The following GPHN variants were observed in gnomAD, a reference collection of about 807,000 sequenced individuals.
The protein encoded by GPHN is gephyrin.
In GPHN, 17 loss-of-function variants were observed where a neutral mutation model predicts 95.5. That is an observed-to-expected ratio of 0.18 (90% CI 0.12 to 0.27). The LOEUF (loss-of-function observed/expected upper bound fraction) is 0.27. Among genes scored for constraint, GPHN ranks in the 10% least tolerant of loss-of-function variants. The probability of loss-of-function intolerance (pLI) is 1.00; values close to 1 mark genes in which losing one functional copy is unlikely to be tolerated. For missense variants in GPHN, 660 were observed against 978.1 expected, an observed-to-expected ratio of 0.67 and a Z score of 4.34; for synonymous variants, 320 against 322.5, an observed-to-expected ratio of 0.99 and a Z score of 0.08.
chr14:66,916,481 T>A (rs1442643101), intron 6 of GPHN, among the ~76,000 whole-genome samples: 1 of 150,922 alleles, frequency 6.6e-6, no homozygotes, highest in Non-Finnish European at 1.5e-5. Context: ...GTCCAGAGTT[T>A]TTTTTTTTTT....
At chr14:66,632,755 T>G (rs2063887965) in intron 1 of GPHN, among the ~76,000 whole-genome samples, 2 of 152,232 alleles carry the variant, frequency 1.3e-5, no homozygotes, top group South Asian at 4.2e-4. Context: ...CCTACCAAAG[T>G]GCTGGAATTA....
chr14:67,095,343 A>G (rs1015054752), intron 12 of GPHN, among the ~76,000 whole-genome samples: 1 of 152,218 alleles, frequency 6.6e-6, no homozygotes, highest in Non-Finnish European at 1.5e-5. Context: ...ACTGTAAACT[A>G]GTTCAACCAC....
intron 5 of GPHN, among the ~76,000 whole-genome samples, chr14:66,881,017 C>T (rs929992455): frequency 7.2e-5 from 11 of 151,776 alleles, no homozygotes; most frequent in African/African-American, 2.4e-4. Flanking sequence ...TTTATGTATC[C>T]TGTGTGTAAT....
intron 1 of GPHN, among the ~76,000 whole-genome samples, chr14:66,546,090 A>G: frequency 6.8e-6 from 1 of 146,028 alleles, no homozygotes; most frequent in African/African-American, 2.6e-5. Context: ...CACATCCCAG[A>G]CGGGGCGGCG....
the GPHN span, chr14:67,241,055 G>T: frequency 3.3e-5 from 5 of 152,256 alleles, no homozygotes; most frequent in African/African-American, 7.2e-5. Context: ...CACAAAGCCC[G>T]CCGGCCAAAT....
chr14:66,671,015 T>C (rs1343836869), intron 1 of GPHN, among the ~76,000 whole-genome samples: 2 of 152,086 alleles, frequency 1.3e-5, no homozygotes, highest in Non-Finnish European at 2.9e-5. Flanking sequence ...GAAATAACAG[T>C]TTAGAGTTTA....
chr14:67,699,519 G>T, the GPHN span, among the ~76,000 whole-genome samples: 1 of 149,218 alleles, frequency 6.7e-6, no homozygotes, highest in African/African-American at 2.5e-5. Flanking sequence ...GAGCCTCACA[G>T]GTTGAGGCTG....
chr14:67,655,595 A>T, the GPHN span, among the ~76,000 whole-genome samples: 1 of 152,084 alleles, frequency 6.6e-6, no homozygotes, highest in Non-Finnish European at 1.5e-5. Context: ...CATAATTTAT[A>T]AATCTATAAA....
the GPHN span, among the ~76,000 whole-genome samples, chr14:67,561,715 A>G: frequency 6.7e-6 from 1 of 150,320 alleles, no homozygotes; most frequent in Non-Finnish European, 1.5e-5. Context: ...AAAAAAATAA[A>G]CGAAATTAAC....
chr14:66,907,432 T>C (rs751088435), intron 5 of GPHN, among the ~76,000 whole-genome samples: 7 of 152,068 alleles, frequency 4.6e-5, no homozygotes, highest in East Asian at 1.9e-4. Context: ...AAGAAAGATA[T>C]AGGTGAATGG....
the GPHN span, chr14:67,647,264 C>T: frequency 3.5e-5 from 15 of 425,052 alleles, no homozygotes; most frequent in East Asian, 5.5e-4. Flanking sequence ...TCTTTATCTC[C>T]ATCTTTAATG....
intron 8 of GPHN, among the ~76,000 whole-genome samples, chr14:66,937,323 A>G (rs560261878): frequency 1.4e-4 from 21 of 151,862 alleles, no homozygotes; most frequent in African/African-American, 5.1e-4. Context: ...GTTTTTATTT[A>G]CCACAAAAAA....
chr14:66,822,341 C>CTGATCT (rs1001640139), intron 3 of GPHN, among the ~76,000 whole-genome samples: 87 of 152,194 alleles, frequency 5.7e-4, no homozygotes, highest in African/African-American at 2.1e-3. Context: ...TCTCCTTAGA[C>CTGATCT]TAGTAGTTTT....
At chr14:67,152,810 C>T (rs1380893599) in intron 18 of GPHN, among the ~76,000 whole-genome samples, 1 of 151,756 alleles carries the variant, frequency 6.6e-6, no homozygotes, top group Admixed American at 6.6e-5. Flanking sequence ...ACTAAAAATA[C>T]AAAAATTGGC....
the GPHN span, among the ~76,000 whole-genome samples, chr14:67,490,552 G>A: frequency 3.3e-4 from 50 of 152,276 alleles, no homozygotes; most frequent in Non-Finnish European, 6.2e-4. Context: ...ATGCACATAG[G>A]ATTCACTTCC....
chr14:66,514,215 G>C (rs1409528559), intron 1 of GPHN, among the ~76,000 whole-genome samples: 1 of 151,934 alleles, frequency 6.6e-6, no homozygotes, highest in Non-Finnish European at 1.5e-5. Context: ...ACAAAGTATA[G>C]AATTCATATG....
At chr14:66,976,105 C>G (rs902890856) in intron 9 of GPHN, among the ~76,000 whole-genome samples, 14 of 152,090 alleles carry the variant, frequency 9.2e-5, no homozygotes, top group Non-Finnish European at 1.8e-4. Flanking sequence ...GCATTCTGTT[C>G]TAGTACATAA....
At chr14:66,557,220 G>GATAT (rs2060036480) in intron 1 of GPHN, among the ~76,000 whole-genome samples, 1 of 144,712 alleles carries the variant, frequency 6.9e-6, no homozygotes, top group South Asian at 2.3e-4. Flanking sequence ...TAGATAGATA[G>GATAT]ATAGATACAT....
chr14:66,797,951 G>A (rs2060216564), intron 3 of GPHN, among the ~76,000 whole-genome samples: 2 of 151,868 alleles, frequency 1.3e-5, no homozygotes, highest in South Asian at 4.2e-4. Context: ...TATGATACTA[G>A]CTGTGGGTCT....
Sources: allele counts gnomAD v4.1 joint callset (sites outside exome capture counted in the v4.1 genomes callset), GRCh38; gene constraint gnomAD v4.1.1; transcripts MANE v1.5; gene names NCBI Gene and HGNC (gene_info 2026-07-23, HGNC 2026-07-21).